Variants in NFIB observed in about 807,000 individuals in gnomAD.
The protein encoded by NFIB is nuclear factor I B.
A neutral mutation model predicts 61.5 loss-of-function variants in NFIB; 11 were observed. That is an observed-to-expected ratio of 0.18 (90% CI 0.11 to 0.30). The LOEUF is 0.30. NFIB is among the 10% of genes least tolerant of loss of function. NFIB has a pLI of 1.00. For missense variants in NFIB, 471 were observed against 608.9 expected (o/e 0.77, Z 2.38); for synonymous variants, 260 against 216.5 (o/e 1.20, Z -1.76).
intron 2 of NFIB, among the ~76,000 whole-genome samples, chr9:14,257,356 A>G (rs1310780473): frequency 6.6e-6 from 1 of 152,224 alleles, no homozygotes; most frequent in Non-Finnish European, 1.5e-5. Context: ...TACAAGCTGG[A>G]TATTAGACTG....
the NFIB span, among the ~76,000 whole-genome samples, chr9:14,405,225 C>G: frequency 6.6e-6 from 1 of 152,188 alleles, no homozygotes; most frequent in Non-Finnish European, 1.5e-5. Flanking sequence ...CTTCATCAGC[C>G]TGAGTCCCTG....
intron 2 of NFIB, among the ~76,000 whole-genome samples, chr9:14,199,786 T>TG (rs938618200): frequency 1.3e-5 from 2 of 152,178 alleles, no homozygotes; most frequent in African/African-American, 4.8e-5. Context: ...ATTTTTTTTT[T>TG]AATTTCACAA....
chr9:14,349,265 T>A (rs1477041751), intron 1 of NFIB, among the ~76,000 whole-genome samples: 1 of 152,088 alleles, frequency 6.6e-6, no homozygotes, highest in Non-Finnish European at 1.5e-5. Flanking sequence ...GGAAGGACAG[T>A]TCAGGCTGGG....
At chr9:14,133,068 C>T (rs137926621) in intron 6 of NFIB, among the ~76,000 whole-genome samples, 1 of 152,212 alleles carries the variant, frequency 6.6e-6, no homozygotes, top group East Asian at 1.9e-4. Context: ...AGTCCAATGG[C>T]TGGGATTTGA....
At chr9:14,143,726 A>G (rs1245060497) in intron 6 of NFIB, among the ~76,000 whole-genome samples, 1 of 152,220 alleles carries the variant, frequency 6.6e-6, no homozygotes, top group Non-Finnish European at 1.5e-5. Context: ...GTGGCACTCA[A>G]TATGTGCTTT....
intron 6 of NFIB, among the ~76,000 whole-genome samples, chr9:14,144,779 G>A (rs1368273024): frequency 6.6e-6 from 1 of 152,096 alleles, no homozygotes; most frequent in African/African-American, 2.4e-5. Context: ...AGTTTAAGCT[G>A]GGCTCTGAAG....
chr9:14,231,135 A>AAAATATAT (rs55959148), intron 2 of NFIB, among the ~76,000 whole-genome samples: 9 of 35,352 alleles, frequency 2.5e-4, no homozygotes, highest in African/African-American at 5.0e-4. Flanking sequence ...AAAAAAAAAA[A>AAAATATAT]ATATATATAT....
chr9:14,088,974 C>G (rs1563772063), intron 10 of NFIB, among the ~76,000 whole-genome samples: 1 of 152,052 alleles, frequency 6.6e-6, no homozygotes, highest in South Asian at 2.1e-4. Context: ...AATCATAGAA[C>G]CAAAATGGAA....
chr9:14,447,548 A>C, the NFIB span, among the ~76,000 whole-genome samples: 1 of 152,212 alleles, frequency 6.6e-6, no homozygotes. Context: ...TGTGGCTATA[A>C]GTTCTCAGTA....
upstream of NFIB, among the ~76,000 whole-genome samples, chr9:14,318,690 G>C (rs1322518234): frequency 2.0e-5 from 3 of 151,794 alleles, no homozygotes; most frequent in Non-Finnish European, 4.4e-5. Context: ...ACCATGCCCT[G>C]GGATCTTTCC....
At chr9:14,419,779 G>C in the NFIB span, among the ~76,000 whole-genome samples, 1 of 152,120 alleles carries the variant, frequency 6.6e-6, no homozygotes, top group African/African-American at 2.4e-5. Flanking sequence ...CCATCGGTAT[G>C]TCTGGCTGGC....
intron 2 of NFIB, among the ~76,000 whole-genome samples, chr9:14,184,513 A>G (rs1204294280): frequency 2.3e-5 from 2 of 87,332 alleles, no homozygotes; most frequent in African/African-American, 6.5e-5. Context: ...ATTTGTCTCC[A>G]TTAAGCAAAG....
chr9:14,231,136 ATATAT>A (rs1228717554), intron 2 of NFIB, among the ~76,000 whole-genome samples: 72 of 20,876 alleles, frequency 3.4e-3, no homozygotes, highest in Middle Eastern at 0.042. Context: ...AAAAAAAAAA[ATATAT>A]ATATATATAT....
intron 10 of NFIB, among the ~76,000 whole-genome samples, chr9:14,099,804 G>A (rs1450870635): frequency 6.6e-6 from 1 of 152,194 alleles, no homozygotes; most frequent in African/African-American, 2.4e-5. Flanking sequence ...TGGGCATGGT[G>A]GCTCATGCCT....
At chr9:14,301,441 G>C (rs1415677605) in intron 2 of NFIB, among the ~76,000 whole-genome samples, 3 of 152,058 alleles carry the variant, frequency 2.0e-5, no homozygotes, top group Admixed American at 6.5e-5. Context: ...ATACAGGGTG[G>C]GGGGAAGGAT....
chr9:14,112,175 G>A (rs2037474168), intron 10 of NFIB, among the ~76,000 whole-genome samples: 2 of 152,122 alleles, frequency 1.3e-5, no homozygotes. Flanking sequence ...AAACTGCTCT[G>A]CTATCAAAAC....
chr9:14,380,490 T>C (rs959320255), intron 1 of NFIB, among the ~76,000 whole-genome samples: 2 of 152,214 alleles, frequency 1.3e-5, no homozygotes, highest in Non-Finnish European at 2.9e-5. Context: ...CAATTCCGAA[T>C]TTATCCATAT....
intron 6 of NFIB, among the ~76,000 whole-genome samples, chr9:14,134,424 GA>G (rs962508442): frequency 5.9e-5 from 9 of 152,106 alleles, no homozygotes; most frequent in African/African-American, 2.2e-4. Context: ...TTGGGACAGT[GA>G]AAAGAACTAG....
At chr9:14,487,089 C>A in the NFIB span, among the ~76,000 whole-genome samples, 1 of 151,996 alleles carries the variant, frequency 6.6e-6, no homozygotes, top group Non-Finnish European at 1.5e-5. Context: ...AAGGCTTTGT[C>A]TGGATAAAAA....
Sources: gnomAD v4.1 joint callset for allele counts (sites outside exome capture counted in the v4.1 genomes callset) on GRCh38, gnomAD v4.1.1 for gene constraint, MANE v1.5 for transcripts, NCBI Gene and HGNC (gene_info 2026-07-23, HGNC 2026-07-21) for gene names.